IFT172: variants seen among roughly 807,000 people sequenced by gnomAD.
IFT172 encodes intraflagellar transport protein 172 homolog.
Under a neutral mutation model 248.9 loss-of-function variants are expected in IFT172, and 164 were observed. The ratio of observed to expected loss-of-function variants is 0.66; its 90% CI spans 0.58 to 0.75. IFT172 has a LOEUF of 0.75. Among genes scored for constraint, IFT172 ranks in the 30% least tolerant of loss-of-function variants. The probability of loss-of-function intolerance (pLI) is 0.00; values close to 1 mark genes in which losing one functional copy is unlikely to be tolerated. For synonymous variants in IFT172, 729 were observed against 791.6 expected (o/e 0.92, Z 1.33); for missense variants, 1,950 against 2,192.4 (o/e 0.89, Z 2.21).
intron 11 of IFT172, 135 bp from the exon 12 acceptor site, chr2:27,477,747 T>A: frequency 1.3e-6 from 1 of 792,106 alleles, no homozygotes; most frequent in South Asian, 1.6e-5. Context: ...AGGTGCTGTA[T>A]CAGAATCTGC....
intron 29 of IFT172, among the ~76,000 whole-genome samples, chr2:27,457,274 A>C (rs1666235828): frequency 6.6e-6 from 1 of 152,142 alleles, no homozygotes; most frequent in Non-Finnish European, 1.5e-5. Context: ...TAGTCACTTA[A>C]AGTGGGAAAG....
intron 10 of IFT172, among the ~76,000 whole-genome samples, chr2:27,478,536 T>A (rs745719895): frequency 6.6e-6 from 1 of 152,220 alleles, no homozygotes; most frequent in Non-Finnish European, 1.5e-5. Context: ...CTTGAACTCC[T>A]GGGTTCAAGC....
chr2:27,458,802 C>G lies in IFT172; in HGVS notation c.2854G>C (p.Gly952Arg). Residue 952 changes from glycine to arginine, a missense_variant, in exon 26 of 48, where the codon GGT becomes CGT. By Grantham distance (125) the Gly-to-Arg change is moderately radical. Around this residue, in one of 3 missense-constraint regions of IFT172, gnomAD observed 1,166 missense variants for 1,254.1 expected, o/e 0.93. Transcript: ENST00000260570. ...KDAIDMYTQAGRWEQAHKLAM... is the reference protein window; with the variant it reads ...KDAIDMYTQARRWEQAHKLAM... Reference sequence around the variant, plus strand: ...ACCTTGTGGGCTTGTTCCCAACGACCAGCCTGGGTGTACATGTCTATGGCA... The same window carrying G: ...ACCTTGTGGGCTTGTTCCCAACGACGAGCCTGGGTGTACATGTCTATGGCA... 6.2e-7 allele frequency: 1 copy of G among 1,614,188 alleles called. No individual in the cohort carries two copies. The highest frequency in any genetic ancestry group is 8.5e-7 in the Non-Finnish European group (1 of 1,180,040).
chr2:27,467,233 T>C (rs1667148687), intron 16 of IFT172, among the ~76,000 whole-genome samples: 2 of 151,370 alleles, frequency 1.3e-5, no homozygotes, highest in African/African-American at 4.9e-5. Context: ...AATAGCAGAT[T>C]AGACAATGAT....
intron 14 of IFT172, chr2:27,475,605 C>A (rs1667901183): frequency 1.3e-5 from 2 of 152,046 alleles, no homozygotes; most frequent in South Asian, 4.2e-4. Context: ...AGAAAAATAT[C>A]ATTATTTATA....
intron 42 of IFT172, 25 bp from the exon 43 acceptor site, chr2:27,446,380 G>C: frequency 6.2e-7 from 1 of 1,605,442 alleles, no homozygotes; most frequent in Non-Finnish European, 8.5e-7. Flanking sequence ...AAAGCATTAT[G>C]AATATGGCAC....
chr2:27,470,415 A>T (rs1314141659), intron 16 of IFT172, among the ~76,000 whole-genome samples: 1 of 152,232 alleles, frequency 6.6e-6, no homozygotes, highest in Non-Finnish European at 1.5e-5. Context: ...ATGGAAAAGG[A>T]CAAAAAGAAA....
chr2:27,479,432 G>T, intron 10 of IFT172, 77 bp downstream of exon 10: 1 of 838,954 alleles, frequency 1.2e-6, no homozygotes, highest in Non-Finnish European at 2.1e-6. Context: ...TATGGCTGTG[G>T]CCAGAAGGCA....
At chr2:27,475,879 G>A (rs561276583) in intron 14 of IFT172, among the ~76,000 whole-genome samples, 4 of 151,848 alleles carry the variant, frequency 2.6e-5, no homozygotes, top group Admixed American at 6.6e-5. Context: ...CAATCCGCCC[G>A]CCTCAGCCTC....
intron 16 of IFT172, among the ~76,000 whole-genome samples, chr2:27,470,178 G>A (rs1035240169): frequency 2.0e-5 from 3 of 151,178 alleles, no homozygotes; most frequent in Non-Finnish European, 4.4e-5. Flanking sequence ...CCAGGAGGCT[G>A]AGCTGCAATG....
chr2:27,478,983 C>CA (rs1205226468), intron 10 of IFT172, among the ~76,000 whole-genome samples: 1 of 152,188 alleles, frequency 6.6e-6, no homozygotes, highest in Non-Finnish European at 1.5e-5. Context: ...GCAATCTCTG[C>CA]ACACCTTATG....
At chr2:27,457,566 C>T in intron 29 of IFT172, 73 bp downstream of exon 29, 2 of 1,302,172 alleles carry the variant, frequency 1.5e-6, no homozygotes, top group East Asian at 2.3e-5. Context: ...CAGAGTGAGA[C>T]CCTTTCTGAA....
rs751845786 is a variant in IFT172, at chr2:27,483,385, G to A, written c.483-9C>T. ...TTCCTTTCCCAGAGCAACTAAAAAA[G>A]GAGAAAGGAGAGAAATACAGGAAGA... On this transcript the variant is annotated splice_polypyrimidine_tract_variant and intron_variant, in intron 6 of 47. Transcript: ENST00000260570. 9.0e-6 allele frequency: 14 copies of A among 1,562,996 alleles called. 1 individual carries two copies. Among genetic ancestry groups the A allele is most frequent in the Admixed American group, 5.0e-5 (3 of 59,732 alleles).
intron 40 of IFT172, 104 bp from the exon 41 acceptor site, chr2:27,448,026 T>C: frequency 1.4e-6 from 1 of 719,212 alleles, no homozygotes; most frequent in Non-Finnish European, 2.6e-6. Flanking sequence ...TGTGTAGAAA[T>C]GGGTATGTGT....
chr2:27,463,753 C>G (rs1666868223), intron 18 of IFT172, among the ~76,000 whole-genome samples: 2 of 152,078 alleles, frequency 1.3e-5, no homozygotes, highest in Non-Finnish European at 2.9e-5. Flanking sequence ...CCAGTCATGG[C>G]AGGATGGGGA....
At chr2:27,477,967 C>G (rs781137695) in intron 11 of IFT172, 28 bp downstream of exon 11, 6 of 1,613,172 alleles carry the variant, frequency 3.7e-6, no homozygotes, top group African/African-American at 2.7e-5. Context: ...GCCCTATTCC[C>G]CACCCTACCC....
intron 14 of IFT172, among the ~76,000 whole-genome samples, chr2:27,474,571 G>C (rs1047814369): frequency 6.6e-6 from 1 of 152,004 alleles, no homozygotes; most frequent in African/African-American, 2.4e-5. Context: ...TTTTGTTGGA[G>C]ACGGAGTTTC....
chr2:27,452,098 G>A (rs972560236), intron 35 of IFT172, among the ~76,000 whole-genome samples: 1 of 151,930 alleles, frequency 6.6e-6, no homozygotes, highest in African/African-American at 2.4e-5. Flanking sequence ...AAGTGTTTTT[G>A]GATGAGGTTA....
intron 16 of IFT172, among the ~76,000 whole-genome samples, chr2:27,469,669 T>C (rs1007931746): frequency 6.6e-6 from 1 of 152,110 alleles, no homozygotes; most frequent in Non-Finnish European, 1.5e-5. Flanking sequence ...TCATCTCTAC[T>C]AAAAATACAA....
Sources: allele counts gnomAD v4.1 joint callset (sites outside exome capture counted in the v4.1 genomes callset), GRCh38; gene constraint gnomAD v4.1.1; regional missense constraint gnomAD v4.1.1; transcripts MANE v1.5; gene names NCBI Gene and HGNC (gene_info 2026-07-23, HGNC 2026-07-21).